The following SLC25A48 variants were observed in gnomAD, a reference collection of about 807,000 sequenced individuals.
SLC25A48 encodes the protein solute carrier family 25 member 48.
Under a neutral mutation model 32.2 loss-of-function variants are expected in SLC25A48, and 29 were observed. The ratio of observed to expected loss-of-function variants is 0.90; its 90% CI spans 0.67 to 1.23. SLC25A48 has a LOEUF of 1.23. Among genes scored for constraint, SLC25A48 ranks in the 50% most tolerant of loss-of-function variants. SLC25A48 has a pLI of 0.00. For synonymous variants in SLC25A48, 164 were observed against 172.3 expected, an observed-to-expected ratio of 0.95 and a Z score of 0.38; for missense variants, 399 against 422.7, an observed-to-expected ratio of 0.94 and a Z score of 0.49.
rs34299516 is a variant in SLC25A48 at position 135,646,659 on chromosome 5, T to TTATATATATATATATA, written c.-521+11708_-521+11723dup. On this transcript the variant is annotated intron_variant, in intron 3 of 10. Coordinates refer to the SLC25A48 transcript ENST00000646290. ...TACGCATTTATAATATAATTTCCCATTATATATATATATATATATACAATG... is the reference window on the plus strand; with the variant it reads ...TACGCATTTATAATATAATTTCCCATTATATATATATATATATATATATATATATATATATACAATG... Among the ~76,000 whole-genome samples the TTATATATATATATATA allele has an allele frequency of 5.0e-3, 624 of 125,312 alleles. 17 individuals are homozygous for TTATATATATATATATA. The highest frequency in any genetic ancestry group is 0.024 in the East Asian group (88 of 3,642). 82.2% of individuals were successfully genotyped at this position (125,312 alleles called of 152,430 possible). A position where few individuals can be genotyped will look rare whatever the true frequency, so the allele number is the denominator to read the frequency against.
intron 3 of SLC25A48, among the ~76,000 whole-genome samples, chr5:135,721,370 T>G (rs1754952991): frequency 6.6e-6 from 1 of 151,472 alleles, no homozygotes; most frequent in Non-Finnish European, 1.5e-5. Flanking sequence ...CCTGGCTAAT[T>G]TTTTGTATTT....
intron 1 of SLC25A48, among the ~76,000 whole-genome samples, chr5:135,623,054 C>T (rs748222130): frequency 4.6e-5 from 7 of 152,136 alleles, no homozygotes; most frequent in East Asian, 3.9e-4. Flanking sequence ...CTCCACTGGG[C>T]GCAAATGAAA....
chr5:135,760,249 C>T (rs974050633), intron 3 of SLC25A48, among the ~76,000 whole-genome samples: 11 of 152,132 alleles, frequency 7.2e-5, no homozygotes, highest in South Asian at 2.1e-4. Flanking sequence ...AGTGCATATA[C>T]GTGCATATAT....
intron 3 of SLC25A48, among the ~76,000 whole-genome samples, chr5:135,769,965 C>T (rs541166920): frequency 6.7e-4 from 101 of 150,264 alleles, no homozygotes; most frequent in African/African-American, 2.3e-3. Flanking sequence ...CTCCCAATTT[C>T]GCAGGAGGTG....
At chr5:135,667,834 GT>G (rs1753559236) in intron 3 of SLC25A48, among the ~76,000 whole-genome samples, 1 of 152,170 alleles carries the variant, frequency 6.6e-6, no homozygotes, top group Non-Finnish European at 1.5e-5. Context: ...AAATAGTAAT[GT>G]TTTCACAGGC....
chr5:135,750,510 C>G (rs1296061786), intron 3 of SLC25A48, among the ~76,000 whole-genome samples: 1 of 152,166 alleles, frequency 6.6e-6, no homozygotes, highest in East Asian at 1.9e-4. Flanking sequence ...AAGTGGCAGT[C>G]ACTTTCACCA....
At chr5:135,673,316 A>G (rs1183148045) in intron 3 of SLC25A48, among the ~76,000 whole-genome samples, 1 of 152,228 alleles carries the variant, frequency 6.6e-6, no homozygotes, top group Non-Finnish European at 1.5e-5. Flanking sequence ...ACTGTTGTCC[A>G]AAGTGACTAT....
At chr5:135,665,623 G>C (rs962507915) in intron 3 of SLC25A48, among the ~76,000 whole-genome samples, 7 of 152,096 alleles carry the variant, frequency 4.6e-5, no homozygotes. Flanking sequence ...GAGAGATAGG[G>C]ATCGCGTTTT....
intron 3 of SLC25A48, among the ~76,000 whole-genome samples, chr5:135,699,064 G>C (rs1338745437): frequency 6.6e-6 from 1 of 152,204 alleles, no homozygotes; most frequent in Non-Finnish European, 1.5e-5. Context: ...GATATGGAAT[G>C]AATGGAACTC....
intron 3 of SLC25A48, among the ~76,000 whole-genome samples, chr5:135,638,811 C>A (rs1051276093): frequency 6.6e-6 from 1 of 152,090 alleles, no homozygotes; most frequent in South Asian, 2.1e-4. Context: ...TTATATAAAT[C>A]GTGATACACC....
chr5:135,800,444 G>A (rs932546895), intron 3 of SLC25A48, among the ~76,000 whole-genome samples: 2 of 151,770 alleles, frequency 1.3e-5, no homozygotes, highest in Non-Finnish European at 2.9e-5. Context: ...CACAGAAAAT[G>A]TCCACACCCC....
chr5:135,751,808 G>A (rs1388305076), intron 3 of SLC25A48, among the ~76,000 whole-genome samples: 1 of 152,128 alleles, frequency 6.6e-6, no homozygotes, highest in African/African-American at 2.4e-5. Flanking sequence ...ACTCCAGCAT[G>A]GGCAGCATAC....
chr5:135,850,388 C>T lies in SLC25A48; in HGVS notation c.91-37C>T, dbSNP rs915757836. On this transcript the variant is annotated intron_variant, in intron 2 of 7. Transcript: ENST00000681962. ...TCCGGAGCAGTGGGGCTATGAATAACCTCTGCGCTGACCCATGTCCTTGCC... is the reference window on the plus strand; with the variant it reads ...TCCGGAGCAGTGGGGCTATGAATAATCTCTGCGCTGACCCATGTCCTTGCC... 5.6e-6 allele frequency: 9 copies of T among 1,608,522 alleles called. No homozygotes were observed. The African/African-American group carries it at 1.2e-4, about 21-fold the overall frequency.
chr5:135,670,477 G>T (rs1580771708), intron 3 of SLC25A48, among the ~76,000 whole-genome samples: 2 of 152,234 alleles, frequency 1.3e-5, no homozygotes, highest in South Asian at 4.1e-4. Flanking sequence ...CAACCAGCAG[G>T]CTCTGGTAGA....
chr5:135,610,071 G>A (rs146955608), intron 1 of SLC25A48, among the ~76,000 whole-genome samples: 2 of 152,314 alleles, frequency 1.3e-5, no homozygotes, highest in African/African-American at 4.8e-5. Flanking sequence ...GAACATGGGT[G>A]TGTGTGGAAT....
intron 2 of SLC25A48, among the ~76,000 whole-genome samples, chr5:135,630,692 C>T (rs1752539816): frequency 7.0e-6 from 1 of 143,506 alleles, no homozygotes; most frequent in Non-Finnish European, 1.5e-5. Context: ...ACATTTGCCT[C>T]CCAGGTTCAA....
At chr5:135,802,649 T>C (rs1459597184) in intron 3 of SLC25A48, among the ~76,000 whole-genome samples, 1 of 151,506 alleles carries the variant, frequency 6.6e-6, no homozygotes, top group East Asian at 1.9e-4. Flanking sequence ...CCCTGTGATA[T>C]TATTCATAAT....
At chr5:135,815,036 T>C (rs565295162) in intron 4 of SLC25A48, among the ~76,000 whole-genome samples, 1 of 152,308 alleles carries the variant, frequency 6.6e-6, no homozygotes, top group Admixed American at 6.5e-5. Context: ...CACAGTGAAT[T>C]ATGTGCATTT....
intron 1 of SLC25A48, among the ~76,000 whole-genome samples, chr5:135,579,914 T>G (rs1303390645): frequency 6.6e-6 from 1 of 152,216 alleles, no homozygotes; most frequent in Admixed American, 6.5e-5. Flanking sequence ...CCAGCACAAG[T>G]GACTTTACCG....
Sources: gnomAD v4.1 joint callset for allele counts (sites outside exome capture counted in the v4.1 genomes callset) on GRCh38, gnomAD v4.1.1 for gene constraint, MANE v1.5 for transcripts, NCBI Gene and HGNC (gene_info 2026-07-23, HGNC 2026-07-21) for gene names.